RYR1: variants seen among roughly 807,000 people sequenced by gnomAD.
RYR1 encodes the protein central core disease of muscle.
A neutral mutation model predicts 583.5 loss-of-function variants in RYR1; 342 were observed. The ratio of observed to expected loss-of-function variants is 0.59; its 90% CI spans 0.54 to 0.64. RYR1 has a LOEUF of 0.64. Among genes scored for constraint, RYR1 ranks in the 30% least tolerant of loss-of-function variants. RYR1 has a pLI of 0.00. For missense variants in RYR1, 6,032 were observed against 6,917.2 expected (o/e 0.87, Z 4.54); for synonymous variants, 2,791 against 2,822.5 (o/e 0.99, Z 0.35).
At position 38,512,489 on chromosome 19, in the gene RYR1, G is replaced by A; in HGVS notation, c.9472+6G>A. 3.7e-6 allele frequency: 6 copies of A among 1,608,880 alleles called. No homozygotes were observed. The highest frequency in any genetic ancestry group is 5.1e-6 in the Non-Finnish European group (6 of 1,179,926). The stretch of plus-strand genomic sequence containing the variant: ...GTTCGGAGATGACGTCATCCGTAAG[G>A]GCGCCTGACCCAAGGGCAGGTTGCG... On this transcript the variant is annotated splice_donor_region_variant and intron_variant, in intron 63 of 105. Transcript: ENST00000359596. The surrounding 1 kb of genome is among the most constrained non-coding windows in gnomAD (Gnocchi z 5.1).
intron 89 of RYR1, among the ~76,000 whole-genome samples, chr19:38,557,636 C>T (rs1156237302): frequency 1.3e-5 from 2 of 151,988 alleles, no homozygotes; most frequent in Non-Finnish European, 1.5e-5. Flanking sequence ...AAACCCTGTC[C>T]CTACAAAAAA....
chr19:38,582,868 T>A (rs1381013835), intron 101 of RYR1, among the ~76,000 whole-genome samples: 1 of 152,122 alleles, frequency 6.6e-6, no homozygotes, highest in Non-Finnish European at 1.5e-5. Context: ...CAGGACAAAG[T>A]CCAGCTCCTC....
intron 33 of RYR1, 66 bp from the exon 34 acceptor site, chr19:38,485,524 A>G: frequency 1.3e-6 from 2 of 1,591,144 alleles, no homozygotes; most frequent in African/African-American, 1.3e-5. Flanking sequence ...GGAGGAAGAG[A>G]TGGTGGCTTG....
At chr19:38,502,423 C>A in intron 47 of RYR1, 84 bp from the exon 48 acceptor site, 1 of 1,318,152 alleles carries the variant, frequency 7.6e-7, no homozygotes, top group Non-Finnish European at 1.1e-6. Flanking sequence ...AAGCTTGGAT[C>A]CTTTGGCCAC....
chr19:38,466,143 C>G lies in RYR1; in HGVS notation c.2923C>G (p.Arg975Gly). 1 of 1,613,116 alleles carries G rather than the reference C, an allele frequency of 6.2e-7. No homozygotes were observed. The highest frequency in any genetic ancestry group is 8.5e-7 in the Non-Finnish European group (1 of 1,179,764). The change falls in exon 24 of 106, where the codon CGG becomes GGG. Residue 975 changes from arginine to glycine, a missense_variant. Arg to Gly is a moderately radical substitution (Grantham distance 125, BLOSUM62 -2). This residue lies in a region of RYR1 where 2,627 missense variants were observed against 2,961.3 expected (regional missense o/e 0.89). Transcript: ENST00000359596. ...GGCTCCGCTGGACCTGAGCCACGTG[C>G]GGCTGACGCCGGCGCAGACGACACT... ...KPAPLDLSHV[R>G]LTPAQTTLVD...
chr19:38,528,640 C>T lies in RYR1; in HGVS notation c.10979C>T (p.Ala3660Val), dbSNP rs1971591106. ...CNMFLESYKA[A>V]WILTEDHSFE... ...ATGTTCCTGGAGAGCTACAAGGCTG[C>T]ATGGATCCTGACTGAAGACCACAGT... Residue 3660 changes from alanine (A) to valine (V), a missense_variant, in exon 75 of 106, where the codon GCA (alanine) becomes GTA (valine). This residue lies in a region of RYR1 where 1,493 missense variants were observed against 1,715.5 expected (regional missense o/e 0.87). Coordinates refer to ENST00000359596, the MANE Select transcript of RYR1 (RefSeq NM_000540.3). 6 of 1,614,034 alleles carry T rather than the reference C, an allele frequency of 3.7e-6. No individual in the cohort carries two copies. The highest frequency in any genetic ancestry group is 2.2e-5 in the South Asian group (2 of 91,086).
chr19:38,527,819 T>C (rs918570471), intron 73 of RYR1, 35 bp downstream of exon 73: 1 of 1,611,570 alleles, frequency 6.2e-7, no homozygotes, highest in African/African-American at 1.3e-5. Flanking sequence ...CTACTGGGTC[T>C]CTGGGCGGAG....
intron 7 of RYR1, among the ~76,000 whole-genome samples, chr19:38,445,677 C>G (rs977675733): frequency 2.6e-5 from 4 of 152,172 alleles, no homozygotes; most frequent in Non-Finnish European, 4.4e-5. Flanking sequence ...CCTCACTTTC[C>G]AGCTTCTGGC....
chr19:38,457,375 A>G (rs572662621), intron 16 of RYR1, 122 bp from the exon 17 acceptor site: 3 of 1,409,904 alleles, frequency 2.1e-6, no homozygotes, highest in South Asian at 2.3e-5. Context: ...CTCTCAGTCA[A>G]AATTGCCACA....
rs770615508 is a variant in RYR1 at position 38,466,418 on chromosome 19, C to T, written c.3178+20C>T. 1.3e-6 allele frequency: 2 copies of T among 1,540,892 alleles called. 1 individual carries two copies. The highest frequency in any genetic ancestry group is 2.4e-5 in the South Asian group (2 of 83,970). On this transcript the variant is annotated intron_variant, in intron 24 of 105. Transcript: ENST00000359596. ...AGCCCAGTGAGTGCTCACCCCTGGC[C>T]CTGGCCCTGACTCCTACCCCAACTC...
chr19:38,539,578 A>C (rs574547912), intron 84 of RYR1, among the ~76,000 whole-genome samples: 3 of 152,258 alleles, frequency 2.0e-5, no homozygotes, highest in African/African-American at 4.8e-5. Context: ...CTAAGATGGA[A>C]TCAGTCTTTG....
chr19:38,501,844 G>C (rs768740490), intron 47 of RYR1, among the ~76,000 whole-genome samples: 3 of 152,042 alleles, frequency 2.0e-5, no homozygotes, highest in African/African-American at 4.8e-5. Flanking sequence ...ATATTAGCTG[G>C]GCATGGTGCT....
chr19:38,554,673 A>G (rs189891083), intron 89 of RYR1, among the ~76,000 whole-genome samples: 49 of 151,968 alleles, frequency 3.2e-4, no homozygotes, highest in Non-Finnish European at 6.0e-4. Flanking sequence ...AGGTCTCCCT[A>G]TGTTGCCCAG....
At position 38,500,717 on chromosome 19, in the gene RYR1, C is replaced by A. The variant is rs771140510; in HGVS notation, c.7435C>A (p.Leu2479Met). Residue 2479 changes from leucine to methionine, a missense_variant, in exon 46 of 106, where the codon CTG becomes ATG. Transcript: ENST00000359596. This position sits in a 1 kb window ranked among gnomAD's most constrained non-coding sequence, Gnocchi z 5.9. ...CAGCCTCCCACTGCAGATTCCCACC[C>A]TGGGCAAAGGTGCAGAGGGGATGGA... ...IISLPLQIPT[L>M]GKDGALVQPK... 6.2e-7 allele frequency: 1 copy of A among 1,614,112 alleles called. No homozygotes were observed. Among genetic ancestry groups the A allele is most frequent in the South Asian group, 1.1e-5 (1 of 91,080 alleles).
In RYR1 at chr19:38,449,401, G is replaced by A. The variant is rs190141500; in HGVS notation, c.1122+588G>A. On this transcript the variant is annotated intron_variant, in intron 11 of 105. Coordinates refer to ENST00000359596, the MANE Select transcript of RYR1 (RefSeq NM_000540.3). ...CTTGAACCTGGGAAGTGGAGGTTGGGAGTGAGCCAATATCGTGCCATTGCA... is the reference window on the plus strand; with the variant it reads ...CTTGAACCTGGGAAGTGGAGGTTGGAAGTGAGCCAATATCGTGCCATTGCA... Among the ~76,000 whole-genome samples, 538 of 152,134 alleles carry A rather than the reference G, an allele frequency of 3.5e-3. 3 individuals carry two copies. The highest frequency in any genetic ancestry group is 0.012 in the African/African-American group (512 of 41,514).
chr19:38,523,288 C>T lies in RYR1; in HGVS notation c.10419C>T (p.Asp3473=). The change falls in exon 69 of 106, where the codon GAC becomes GAT. Residue 3473 remains aspartate (D), a synonymous_variant. Coordinates refer to ENST00000359596, the MANE Select transcript of RYR1 (RefSeq NM_000540.3). ...ACAACATGTCCTTCCTGACTGCTGA[C>T]AACAAAAGCAAAATGGCTAAGGTCG... is the stretch of plus-strand genomic sequence containing the variant. The part of the protein sequence containing the change: ...EINNMSFLTA[D]NKSKMAKAGD... The T allele has an allele frequency of 3.1e-6, 5 of 1,614,202 alleles. No individual in the cohort carries two copies. The highest frequency in any genetic ancestry group is 3.4e-6 in the Non-Finnish European group (4 of 1,180,040).
rs761133686 is a variant in RYR1 at position 38,572,244 on chromosome 19, T to C, written c.13972T>C (p.Cys4658Arg). ...CCTGCATACACTGGTGGCCTTTCTC[T>C]GCATCATTGGCTATAATTGTCTCAA... ...SLLHTLVAFL[C>R]IIGYNCLKVP... is the part of the protein sequence containing the mutation. Residue 4658 changes from cysteine to arginine, a missense_variant, in exon 95 of 106, where the codon TGC (cysteine) becomes CGC (arginine). Physicochemically the swap from Cys to Arg is radical, Grantham distance 180. Transcript: ENST00000359596. 4.3e-6 allele frequency: 7 copies of C among 1,609,568 alleles called. No homozygotes were observed. Among genetic ancestry groups the C allele is most frequent in the Non-Finnish European group, 5.9e-6 (7 of 1,179,026 alleles).
chr19:38,571,295 C>T (rs1973701945), intron 94 of RYR1, among the ~76,000 whole-genome samples: 1 of 152,134 alleles, frequency 6.6e-6, no homozygotes, highest in Admixed American at 6.6e-5. Flanking sequence ...TGCCTCAACT[C>T]CCTCATCTGT....
chr19:38,502,781 A>AGG, intron 48 of RYR1, 54 bp downstream of exon 48: 1 of 475,266 alleles, frequency 2.1e-6, no homozygotes, highest in Non-Finnish European at 3.4e-6. Context: ...GGGCAGGGGC[A>AGG]GGGGCAGGGG....
Sources: gnomAD v4.1 joint callset for allele counts (sites outside exome capture counted in the v4.1 genomes callset) on GRCh38, gnomAD v4.1.1 for gene constraint, gnomAD v4.1.1 regional missense constraint, Gnocchi (gnomAD v3.1) non-coding constraint, MANE v1.5 for transcripts, NCBI Gene and HGNC (gene_info 2026-07-23, HGNC 2026-07-21) for gene names.